Variants in SOX6 observed in about 807,000 individuals in gnomAD.
SOX6 encodes the protein transcription factor SOX-6.
A neutral mutation model predicts 97.8 loss-of-function variants in SOX6; 11 were observed. That is an observed-to-expected ratio of 0.11 (90% CI 0.07 to 0.19). The LOEUF is 0.19. Among genes scored for constraint, SOX6 ranks in the 10% least tolerant of loss-of-function variants. SOX6 has a pLI of 1.00. For missense variants in SOX6, 810 were observed against 1,039.5 expected (o/e 0.78, Z 3.04); for synonymous variants, 360 against 371.4 (o/e 0.97, Z 0.35).
chr11:15,998,754 A>G (rs953464110), intron 13 of SOX6, among the ~76,000 whole-genome samples: 10 of 152,166 alleles, frequency 6.6e-5, no homozygotes, highest in African/African-American at 2.4e-4. Flanking sequence ...TGCATCTTGT[A>G]TCACACATTA....
At chr11:16,505,342 G>A (rs1020131674) in intron 4 of SOX6, among the ~76,000 whole-genome samples, 1 of 152,190 alleles carries the variant, frequency 6.6e-6, no homozygotes, top group Admixed American at 6.5e-5. Context: ...TTGAACTTGA[G>A]AGAGATGACT....
At chr11:16,669,931 T>C (rs187717964) in intron 3 of SOX6, among the ~76,000 whole-genome samples, 4 of 152,192 alleles carry the variant, frequency 2.6e-5, no homozygotes, top group Admixed American at 2.0e-4. Context: ...GTTGCAGTCA[T>C]ACAACCTAAC....
intron 3 of SOX6, among the ~76,000 whole-genome samples, chr11:16,286,336 C>A (rs1460347227): frequency 1.3e-5 from 2 of 152,086 alleles, no homozygotes; most frequent in Non-Finnish European, 2.9e-5. Context: ...GACTTCCCAA[C>A]AGGCAGACCT....
chr11:16,313,608 G>A (rs933166087), intron 3 of SOX6: 6 of 152,034 alleles, frequency 3.9e-5, no homozygotes, highest in African/African-American at 1.4e-4. Flanking sequence ...TATTTGAGAA[G>A]CAGAAATCTA....
At chr11:16,411,322 T>C (rs899964523) in intron 1 of SOX6, among the ~76,000 whole-genome samples, 9 of 152,142 alleles carry the variant, frequency 5.9e-5, no homozygotes, top group Non-Finnish European at 1.2e-4. Flanking sequence ...CTTACTCTCA[T>C]AAACTAGTTA....
At chr11:16,195,747 C>T (rs1254211873) in intron 4 of SOX6, among the ~76,000 whole-genome samples, 1 of 152,178 alleles carries the variant, frequency 6.6e-6, no homozygotes, top group East Asian at 1.9e-4. Flanking sequence ...ATTATGCAGA[C>T]TCCGACATTC....
chr11:16,457,447 G>A (rs1272637864), intron 1 of SOX6, among the ~76,000 whole-genome samples: 1 of 151,994 alleles, frequency 6.6e-6, no homozygotes, highest in Non-Finnish European at 1.5e-5. Flanking sequence ...GATAGAGAAT[G>A]TCTAAAACAA....
intron 1 of SOX6, among the ~76,000 whole-genome samples, chr11:16,372,617 A>C (rs1381589969): frequency 1.3e-5 from 2 of 152,102 alleles, no homozygotes; most frequent in African/African-American, 4.8e-5. Flanking sequence ...TGACTCCAAA[A>C]TATACAGTTA....
intron 6 of SOX6, among the ~76,000 whole-genome samples, chr11:16,173,166 A>C (rs1851085113): frequency 6.6e-6 from 1 of 151,940 alleles, no homozygotes; most frequent in Admixed American, 6.6e-5. Context: ...TAGAAAAGTG[A>C]AGTTAGGCTC....
chr11:15,977,647 C>T (rs1446059481), intron 15 of SOX6, among the ~76,000 whole-genome samples: 1 of 152,074 alleles, frequency 6.6e-6, no homozygotes, highest in Admixed American at 6.6e-5. Flanking sequence ...TCTGCCTACT[C>T]TGTTTAGCCA....
chr11:15,976,139 T>C (rs1444406403), intron 15 of SOX6, among the ~76,000 whole-genome samples: 1 of 152,162 alleles, frequency 6.6e-6, no homozygotes, highest in East Asian at 1.9e-4. Context: ...GGTAAGGTTC[T>C]CACATTCACA....
intron 4 of SOX6, among the ~76,000 whole-genome samples, chr11:16,577,996 C>A (rs1178517004): frequency 1.3e-5 from 2 of 152,062 alleles, no homozygotes; most frequent in African/African-American, 4.8e-5. Context: ...TATTGCCTAT[C>A]CAAGATGATG....
intron 4 of SOX6, among the ~76,000 whole-genome samples, chr11:16,542,747 T>G (rs971259299): frequency 2.0e-5 from 3 of 152,140 alleles, no homozygotes; most frequent in Non-Finnish European, 2.9e-5. Flanking sequence ...ACAGAAATAT[T>G]CAATCCTAAT....
chr11:16,413,769 C>A (rs1309517336), intron 1 of SOX6, among the ~76,000 whole-genome samples: 3 of 151,760 alleles, frequency 2.0e-5, no homozygotes, highest in East Asian at 1.9e-4. Context: ...GATCCGCCCA[C>A]CTCAGCCTCC....
chr11:16,115,607 C>A (rs577456872), intron 6 of SOX6, among the ~76,000 whole-genome samples: 1 of 152,254 alleles, frequency 6.6e-6, no homozygotes, highest in Non-Finnish European at 1.5e-5. Flanking sequence ...TCACAATTTA[C>A]ACATAGGAAA....
rs530201739 is a variant in SOX6 at position 16,687,146 on chromosome 11, C to T, written n.429+27684G>A. 2.0e-5 allele frequency among the ~76,000 whole-genome samples: 3 copies of T among 152,232 alleles called. No individual in the cohort carries two copies. The East Asian group carries it at 5.8e-4, about 29-fold the overall frequency. On this transcript the variant is annotated intron_variant and non_coding_transcript_variant, in intron 3 of 5. Transcript: ENST00000524520. Reference sequence around the variant, plus strand: ...TGTCAAAAAAACAAAAAAAGAAATACTTGAGACTGAGTAATTTAAAAAGAA... The same window carrying T: ...TGTCAAAAAAACAAAAAAAGAAATATTTGAGACTGAGTAATTTAAAAAGAA...
intron 3 of SOX6, among the ~76,000 whole-genome samples, chr11:16,242,594 A>G (rs1853227059): frequency 6.6e-6 from 1 of 151,774 alleles, no homozygotes; most frequent in Non-Finnish European, 1.5e-5. Flanking sequence ...GATGCAACCA[A>G]AAGAAAACAC....
intron 12 of SOX6, among the ~76,000 whole-genome samples, chr11:16,035,666 A>T (rs55836990): frequency 6.6e-6 from 1 of 152,258 alleles, no homozygotes; most frequent in South Asian, 2.1e-4. Context: ...AACTTAAATC[A>T]ATTAATATTA....
intron 6 of SOX6, among the ~76,000 whole-genome samples, chr11:16,125,356 A>AGGAATATT (rs1849583716): frequency 6.6e-6 from 1 of 152,148 alleles, no homozygotes; most frequent in Non-Finnish European, 1.5e-5. Flanking sequence ...TAGGAAGTAT[A>AGGAATATT]GGAATATTTA....
Sources: allele counts gnomAD v4.1 joint callset (sites outside exome capture counted in the v4.1 genomes callset), GRCh38; gene constraint gnomAD v4.1.1; transcripts MANE v1.5; gene names NCBI Gene and HGNC (gene_info 2026-07-23, HGNC 2026-07-21).